The following WDR7 variants were observed in gnomAD, a reference collection of about 807,000 sequenced individuals.
The protein encoded by WDR7 is WD repeat-containing protein 7.
Under a neutral mutation model 169.4 loss-of-function variants are expected in WDR7, and 46 were observed. The observed-to-expected ratio is 0.27, with a 90% CI of 0.21 to 0.35. WDR7 has a LOEUF of 0.35. Ranked by LOEUF, WDR7 falls within the 10% of genes least tolerant of loss-of-function variation. The probability of loss-of-function intolerance (pLI) is 1.00; values close to 1 mark genes in which losing one functional copy is unlikely to be tolerated. For synonymous variants in WDR7, 612 were observed against 666.8 expected (o/e 0.92, Z 1.27); for missense variants, 1,534 against 1,859.3 (o/e 0.83, Z 3.22).
At chr18:56,710,141 C>G (rs980590001) in intron 12 of WDR7, among the ~76,000 whole-genome samples, 4 of 151,384 alleles carry the variant, frequency 2.6e-5, no homozygotes, top group African/African-American at 9.7e-5. Context: ...GTAGCTGGGA[C>G]TATAGGCGCC....
At chr18:56,929,706 G>T (rs1054765768) in intron 22 of WDR7, among the ~76,000 whole-genome samples, 1 of 152,140 alleles carries the variant, frequency 6.6e-6, no homozygotes, top group African/African-American at 2.4e-5. Context: ...TTAAATAATG[G>T]GGATGGACTG....
intron 3 of WDR7, 31 bp downstream of exon 3, chr18:56,679,469 C>A: frequency 6.5e-7 from 1 of 1,546,472 alleles, no homozygotes. Context: ...CTCTTTTTCT[C>A]ATGAGTCTTT....
At chr18:56,740,977 C>T (rs2043612878) in intron 14 of WDR7, among the ~76,000 whole-genome samples, 1 of 152,102 alleles carries the variant, frequency 6.6e-6, no homozygotes, top group Non-Finnish European at 1.5e-5. Context: ...GGTCCTACTG[C>T]TTGCTTGATC....
chr18:56,953,058 G>T (rs149976128), intron 25 of WDR7, among the ~76,000 whole-genome samples: 1 of 152,118 alleles, frequency 6.6e-6, no homozygotes, highest in Non-Finnish European at 1.5e-5. Flanking sequence ...AAGAGTGAAC[G>T]CTAATGTGAA....
At chr18:56,693,674 C>T (rs623676) in intron 9 of WDR7, among the ~76,000 whole-genome samples, 136,843 of 149,112 alleles carry the variant, frequency 0.92, 63,926 homozygotes, top group East Asian at 1. Context: ...TGGGTTCAAG[C>T]GATTCTCCTG....
intron 12 of WDR7, 151 bp downstream of exon 12, chr18:56,696,613 C>A: frequency 1.4e-6 from 1 of 699,834 alleles, no homozygotes; most frequent in East Asian, 2.8e-5. Context: ...ATAATAGTAA[C>A]ATTTAGGCAA....
At chr18:56,945,446 A>G (rs1458310989) in intron 25 of WDR7, among the ~76,000 whole-genome samples, 2 of 152,200 alleles carry the variant, frequency 1.3e-5, no homozygotes, top group Non-Finnish European at 1.5e-5. Flanking sequence ...TCTCATAGAG[A>G]AGACATAAAA....
At chr18:56,966,546 T>C (rs1462768788) in intron 26 of WDR7, among the ~76,000 whole-genome samples, 1 of 152,208 alleles carries the variant, frequency 6.6e-6, no homozygotes, top group African/African-American at 2.4e-5. Context: ...ATACAAGATA[T>C]GTGTCAAATG....
chr18:56,864,465 C>T (rs2045853627), intron 20 of WDR7, among the ~76,000 whole-genome samples: 2 of 151,728 alleles, frequency 1.3e-5, no homozygotes, highest in Middle Eastern at 3.8e-3. Context: ...GCGAAAATGA[C>T]ATTTTCATTA....
chr18:56,951,353 G>C (rs892253099), intron 25 of WDR7, among the ~76,000 whole-genome samples: 1 of 152,124 alleles, frequency 6.6e-6, no homozygotes, highest in African/African-American at 2.4e-5. Context: ...CCTGCTCCTA[G>C]AACAGAGAGC....
chr18:56,705,301 T>C (rs1257393423), intron 12 of WDR7, among the ~76,000 whole-genome samples: 1 of 146,724 alleles, frequency 6.8e-6, no homozygotes, highest in African/African-American at 2.5e-5. Context: ...TAAGATATCT[T>C]TTTTTTTTTT....
At chr18:56,741,587 C>A (rs2043622804) in intron 14 of WDR7, among the ~76,000 whole-genome samples, 1 of 152,120 alleles carries the variant, frequency 6.6e-6, no homozygotes, top group African/African-American at 2.4e-5. Context: ...TGCATGTGCT[C>A]CTTTATGTAT....
chr18:56,685,459 G>C lies in WDR7; in HGVS notation c.521-497G>C, dbSNP rs1431854532. On this transcript the variant is annotated intron_variant, in intron 5 of 27. Transcript: ENST00000254442. ...GTACGTGACCCTGGTGCTGTCACTAGTCCCTTACCTGAAGCTTAGGAACTT... is the reference window on the plus strand; with the variant it reads ...GTACGTGACCCTGGTGCTGTCACTACTCCCTTACCTGAAGCTTAGGAACTT... 2.6e-5 allele frequency among the ~76,000 whole-genome samples: 4 copies of C among 152,250 alleles called. No individual in the cohort carries two copies. In the East Asian group the frequency reaches 7.7e-4, roughly 29 times the overall value.
rs192073277 is a variant in WDR7 at position 56,689,624 on chromosome 18, G to T, written c.718-1592G>T. Among the ~76,000 whole-genome samples the T allele has an allele frequency of 3.6e-3, 549 of 152,240 alleles. 3 individuals are homozygous for T. The highest frequency in any genetic ancestry group is 0.013 in the African/African-American group (523 of 41,548). On this transcript the variant is annotated intron_variant, in intron 7 of 27. Transcript: ENST00000254442. ...GGAATTTATTTTGTATAAATTGTGA[G>T]ATATAGATCCAATTTTATTTTTATG...
intron 21 of WDR7, among the ~76,000 whole-genome samples, chr18:56,899,098 G>A (rs1209674747): frequency 6.6e-6 from 1 of 152,042 alleles, no homozygotes; most frequent in Non-Finnish European, 1.5e-5. Context: ...GCAATTTAAT[G>A]TTTCTATTCC....
chr18:56,957,903 A>C (rs1322870435), intron 25 of WDR7, among the ~76,000 whole-genome samples: 1 of 152,110 alleles, frequency 6.6e-6, no homozygotes, highest in East Asian at 1.9e-4. Flanking sequence ...AAATTGCTGA[A>C]CTCATAGTTA....
intron 19 of WDR7, among the ~76,000 whole-genome samples, chr18:56,806,055 T>C (rs139376810): frequency 4.6e-4 from 70 of 152,256 alleles, no homozygotes; most frequent in African/African-American, 1.6e-3. Flanking sequence ...TATTTCCTTC[T>C]TGTGAAATTG....
At chr18:56,759,076 A>G in intron 16 of WDR7, 123 bp downstream of exon 16, 1 of 656,522 alleles carries the variant, frequency 1.5e-6, no homozygotes, top group Non-Finnish European at 2.4e-6. Flanking sequence ...AAAAGTTGTT[A>G]TATTCCAGAT....
chr18:56,916,266 C>T (rs146231074), intron 21 of WDR7, among the ~76,000 whole-genome samples: 6 of 151,642 alleles, frequency 4.0e-5, no homozygotes, highest in African/African-American at 9.7e-5. Context: ...ATCCCTCCCC[C>T]CTCCCGCCAC....
Sources: gnomAD v4.1 joint callset for allele counts (sites outside exome capture counted in the v4.1 genomes callset) on GRCh38, gnomAD v4.1.1 for gene constraint, MANE v1.5 for transcripts, NCBI Gene and HGNC (gene_info 2026-07-23, HGNC 2026-07-21) for gene names.